BLTP3B: variants seen among roughly 807,000 people sequenced by gnomAD.
BLTP3B encodes UHRF1 (ICBP90) binding protein 1-like.
the BLTP3B span, among the ~76,000 whole-genome samples, chr12:100,090,813 T>C: frequency 6.6e-6 from 1 of 152,184 alleles, no homozygotes; most frequent in Non-Finnish European, 1.5e-5. Context: ...AACAAGACTG[T>C]ATTTATGTCT....
chr12:100,113,054 C>G, the BLTP3B span, among the ~76,000 whole-genome samples: 1 of 151,902 alleles, frequency 6.6e-6, no homozygotes, highest in African/African-American at 2.4e-5. Context: ...ATCTGTAGTC[C>G]CAGCTACCCA....
chr12:100,058,011 C>A, the BLTP3B span: 2 of 1,539,552 alleles, frequency 1.3e-6, no homozygotes, highest in South Asian at 1.3e-5. Flanking sequence ...TTTAAAAAGG[C>A]CAATAAAATG....
the BLTP3B span, among the ~76,000 whole-genome samples, chr12:100,049,622 G>A: frequency 1.3e-5 from 2 of 152,062 alleles, no homozygotes; most frequent in Non-Finnish European, 2.9e-5. Flanking sequence ...AATAATGCAA[G>A]AGTTCAAATC....
the BLTP3B span, among the ~76,000 whole-genome samples, chr12:100,125,083 G>A: frequency 6.8e-6 from 1 of 148,116 alleles, no homozygotes; most frequent in South Asian, 2.1e-4. Flanking sequence ...TGTAATCCCA[G>A]CACTCTGGGA....
At chr12:100,089,171 A>G in the BLTP3B span, 2 of 1,276,692 alleles carry the variant, frequency 1.6e-6, no homozygotes, top group African/African-American at 1.5e-5. Context: ...AAGTATTTTC[A>G]GTCGAAAGTC....
the BLTP3B span, among the ~76,000 whole-genome samples, chr12:100,074,959 G>A: frequency 6.6e-6 from 1 of 151,614 alleles, no homozygotes; most frequent in Non-Finnish European, 1.5e-5. Flanking sequence ...AATGAATGGT[G>A]CCTGGATGAC....
chr12:100,061,473 C>T, the BLTP3B span, among the ~76,000 whole-genome samples: 220 of 152,030 alleles, frequency 1.4e-3, no homozygotes, highest in Non-Finnish European at 2.3e-3. Context: ...CTGGCTAACA[C>T]AGTGAAACCC....
chr12:100,064,165 TG>T, the BLTP3B span, among the ~76,000 whole-genome samples: 1 of 152,044 alleles, frequency 6.6e-6, no homozygotes, highest in Non-Finnish European at 1.5e-5. Context: ...GCAATAGAAT[TG>T]AACAAGTAGA....
chr12:100,082,883 A>T, the BLTP3B span: 1 of 627,368 alleles, frequency 1.6e-6, no homozygotes, highest in Non-Finnish European at 2.7e-6. Flanking sequence ...GATATTTTCT[A>T]TGCCATCTAA....
At chr12:100,040,043 T>C in the BLTP3B span, among the ~76,000 whole-genome samples, 1 of 152,186 alleles carries the variant, frequency 6.6e-6, no homozygotes, top group East Asian at 1.9e-4. Flanking sequence ...TTTATTATGT[T>C]TTTATATTAA....
the BLTP3B span, among the ~76,000 whole-genome samples, chr12:100,134,264 A>G: frequency 6.6e-6 from 1 of 152,222 alleles, no homozygotes; most frequent in African/African-American, 2.4e-5. Context: ...AAACATGTAT[A>G]GTCTAAATTA....
the BLTP3B span, chr12:100,084,536 G>A: frequency 1.2e-6 from 2 of 1,613,968 alleles, no homozygotes; most frequent in Admixed American, 3.3e-5. Context: ...CCTACATTAT[G>A]ATCCTTCACA....
chr12:100,141,470 T>C, the BLTP3B span, among the ~76,000 whole-genome samples: 2 of 151,790 alleles, frequency 1.3e-5, no homozygotes, highest in Non-Finnish European at 1.5e-5. Context: ...CACGCTGCTA[T>C]ACTTTGCTAC....
the BLTP3B span, among the ~76,000 whole-genome samples, chr12:100,115,903 G>A: frequency 1.3e-5 from 2 of 152,062 alleles, no homozygotes; most frequent in African/African-American, 4.8e-5. Context: ...TAGGCCAGGC[G>A]AGGTGGCTCA....
the BLTP3B span, chr12:100,051,010 A>G: frequency 6.3e-7 from 1 of 1,579,580 alleles, no homozygotes; most frequent in East Asian, 2.3e-5. Flanking sequence ...CTCAAAATAT[A>G]TACATGTCAA....
chr12:100,133,457 A>G, the BLTP3B span, among the ~76,000 whole-genome samples: 1 of 152,204 alleles, frequency 6.6e-6, no homozygotes, highest in Non-Finnish European at 1.5e-5. Context: ...CTACAGCAGG[A>G]TGGTAAAACA....
At chr12:100,116,791 T>C in the BLTP3B span, among the ~76,000 whole-genome samples, 2 of 152,196 alleles carry the variant, frequency 1.3e-5, no homozygotes, top group Non-Finnish European at 1.5e-5. Context: ...TTTTGAAAAG[T>C]AGTAAAATTA....
the BLTP3B span, among the ~76,000 whole-genome samples, chr12:100,124,950 A>T: frequency 1.1e-4 from 6 of 57,124 alleles, no homozygotes; most frequent in Non-Finnish European, 1.5e-4. Context: ...ATATATATAT[A>T]TATATATATA....
the BLTP3B span, among the ~76,000 whole-genome samples, chr12:100,074,695 T>A: frequency 6.6e-6 from 1 of 150,544 alleles, no homozygotes; most frequent in African/African-American, 2.4e-5. Context: ...TAGAAAAAAA[T>A]TTTAAAATAT....
Sources: gnomAD v4.1 joint callset for allele counts (sites outside exome capture counted in the v4.1 genomes callset) on GRCh38, gnomAD v4.1.1 for gene constraint, MANE v1.5 for transcripts, NCBI Gene and HGNC (gene_info 2026-07-23, HGNC 2026-07-21) for gene names.